ATRNL1: variants seen among roughly 807,000 people sequenced by gnomAD.
ATRNL1 encodes attractin like 1.
ATRNL1 carries 95 observed loss-of-function variants against 182.7 expected under a neutral mutation model. The observed-to-expected ratio is 0.52, with a 90% confidence interval of 0.44 to 0.62. The LOEUF (loss-of-function observed/expected upper bound fraction) is 0.62. ATRNL1 is among the 20% of genes least tolerant of loss of function. The pLI is 0.00. For synonymous variants in ATRNL1, 576 were observed against 568.3 expected, an observed-to-expected ratio of 1.01 and a Z score of -0.19; for missense variants, 1,471 against 1,679.5, an observed-to-expected ratio of 0.88 and a Z score of 2.17.
chr10:115,583,917 T>A (rs1235446750), intron 26 of ATRNL1, among the ~76,000 whole-genome samples: 9 of 151,730 alleles, frequency 5.9e-5, no homozygotes, highest in African/African-American at 1.9e-4. Context: ...TATTTTGAGA[T>A]ACGTCCCATC....
intron 26 of ATRNL1, among the ~76,000 whole-genome samples, chr10:115,619,792 C>T (rs139086860): frequency 1.6e-4 from 24 of 152,122 alleles, no homozygotes; most frequent in African/African-American, 3.4e-4. Context: ...ATTTACCTAA[C>T]GTATTTATTT....
intron 26 of ATRNL1, among the ~76,000 whole-genome samples, chr10:115,624,271 C>A (rs910880332): frequency 2.0e-5 from 3 of 151,686 alleles, no homozygotes; most frequent in African/African-American, 7.3e-5. Flanking sequence ...AATAATTATG[C>A]CTCCTAAAAT....
chr10:115,553,538 G>A (rs1346621207), intron 26 of ATRNL1, among the ~76,000 whole-genome samples: 2 of 151,216 alleles, frequency 1.3e-5, no homozygotes, highest in African/African-American at 4.8e-5. Context: ...GATAAGACAT[G>A]CCCAATGAGG....
chr10:115,916,157 G>A (rs782041921), intron 28 of ATRNL1, among the ~76,000 whole-genome samples: 1 of 152,056 alleles, frequency 6.6e-6, no homozygotes, highest in Non-Finnish European at 1.5e-5. Flanking sequence ...CCATCTTAAA[G>A]GGCAGTCACC....
intron 23 of ATRNL1, 96 bp downstream of exon 23, chr10:115,467,348 A>C: frequency 2.5e-6 from 2 of 796,392 alleles, no homozygotes; most frequent in Non-Finnish European, 3.9e-6. Context: ...TGAAATTTTA[A>C]AAATGTTATA....
intron 24 of ATRNL1, among the ~76,000 whole-genome samples, chr10:115,475,009 A>C (rs1848471956): frequency 6.6e-6 from 1 of 151,342 alleles, no homozygotes; most frequent in South Asian, 2.1e-4. Context: ...TAATAGAAAA[A>C]CAACACCACC....
chr10:115,620,635 G>A (rs1857680199), intron 26 of ATRNL1, among the ~76,000 whole-genome samples: 1 of 152,094 alleles, frequency 6.6e-6, no homozygotes, highest in South Asian at 2.1e-4. Context: ...TGAACTAAAA[G>A]GCATTTGGAT....
At chr10:115,868,806 G>T (rs1440062658) in intron 28 of ATRNL1, among the ~76,000 whole-genome samples, 3 of 147,490 alleles carry the variant, frequency 2.0e-5, no homozygotes, top group African/African-American at 7.4e-5. Context: ...AATATATCTG[G>T]TGGCAAGTCT....
intron 26 of ATRNL1, among the ~76,000 whole-genome samples, chr10:115,549,961 CT>C (rs1565156806): frequency 1.3e-5 from 2 of 151,576 alleles, no homozygotes; most frequent in Admixed American, 6.6e-5. Flanking sequence ...TTATAACATT[CT>C]TTTTTTGGGA....
At chr10:115,511,276 C>A (rs1554982622) in intron 24 of ATRNL1, among the ~76,000 whole-genome samples, 2 of 151,838 alleles carry the variant, frequency 1.3e-5, no homozygotes, top group Admixed American at 6.6e-5. Flanking sequence ...CTAATTTAAT[C>A]TCCAATTTGA....
intron 10 of ATRNL1, among the ~76,000 whole-genome samples, chr10:115,253,845 C>G (rs1554906017): frequency 6.6e-6 from 1 of 152,092 alleles, no homozygotes; most frequent in Admixed American, 6.5e-5. Flanking sequence ...TCCAAGTGAT[C>G]TCATTGTTCA....
chr10:115,508,958 C>T (rs1219921015), intron 24 of ATRNL1, among the ~76,000 whole-genome samples: 3 of 152,034 alleles, frequency 2.0e-5, no homozygotes, highest in African/African-American at 7.2e-5. Context: ...AAATGCTTGA[C>T]ATCAAAATTC....
At chr10:115,356,764 T>A (rs1856522219) in intron 19 of ATRNL1, among the ~76,000 whole-genome samples, 1 of 151,970 alleles carries the variant, frequency 6.6e-6, no homozygotes, top group Non-Finnish European at 1.5e-5. Flanking sequence ...TAAGCATTAC[T>A]TCAACTTTTG....
At chr10:115,498,315 G>T (rs1271093578) in intron 24 of ATRNL1, among the ~76,000 whole-genome samples, 1 of 151,946 alleles carries the variant, frequency 6.6e-6, no homozygotes, top group Non-Finnish European at 1.5e-5. Context: ...AACTATATAT[G>T]GCATTACATG....
intron 28 of ATRNL1, among the ~76,000 whole-genome samples, chr10:115,874,230 A>G (rs1215881343): frequency 6.6e-6 from 1 of 152,112 alleles, no homozygotes; most frequent in East Asian, 1.9e-4. Flanking sequence ...AGCAGCATCC[A>G]TAGCTGGAGG....
chr10:115,798,823 C>A (rs1198015574), intron 27 of ATRNL1, among the ~76,000 whole-genome samples: 1 of 122,000 alleles, frequency 8.2e-6, no homozygotes, highest in East Asian at 2.7e-4. Context: ...TCTTTTTTTT[C>A]TTTTTTCTTT....
chr10:115,854,391 C>T (rs934079204), intron 28 of ATRNL1, among the ~76,000 whole-genome samples: 9 of 152,212 alleles, frequency 5.9e-5, no homozygotes, highest in Non-Finnish European at 1.2e-4. Flanking sequence ...TTAGAATTCA[C>T]TTAGTGGCGA....
At position 115,715,431 on chromosome 10, in the gene ATRNL1, C is replaced by T. The variant is rs1004512269; in HGVS notation, c.3796-11817C>T. Among the ~76,000 whole-genome samples, 6 of 152,078 alleles carry T rather than the reference C, an allele frequency of 3.9e-5. No homozygotes were observed. The South Asian group carries it at 6.2e-4, about 16-fold the overall frequency. Reference sequence around the variant, plus strand: ...CTTATCTGTCCTATCTTTTGATATACGACATGGAGGGAACCCTGGAATATG... The same window carrying T: ...CTTATCTGTCCTATCTTTTGATATATGACATGGAGGGAACCCTGGAATATG... On this transcript the variant is annotated intron_variant, in intron 26 of 28. Transcript: ENST00000355044.
chr10:115,844,793 C>G (rs1555098301), intron 27 of ATRNL1, among the ~76,000 whole-genome samples: 2 of 151,968 alleles, frequency 1.3e-5, no homozygotes, highest in African/African-American at 4.8e-5. Context: ...TGTGGGCAAA[C>G]AAACCCAGGC....
Sources: gnomAD v4.1 joint callset for allele counts (sites outside exome capture counted in the v4.1 genomes callset) on GRCh38, gnomAD v4.1.1 for gene constraint, MANE v1.5 for transcripts, NCBI Gene and HGNC (gene_info 2026-07-23, HGNC 2026-07-21) for gene names.